The following ACTR3C variants were observed in gnomAD, a reference collection of about 807,000 sequenced individuals.
ACTR3C encodes actin related protein 3C.
ACTR3C carries 18 observed loss-of-function variants against 26.3 expected under a neutral mutation model. The ratio of observed to expected loss-of-function variants is 0.68; its 90% CI spans 0.47 to 1.01. The LOEUF (loss-of-function observed/expected upper bound fraction) is 1.01, where lower values mean the gene tolerates loss of function less well. Ranked by LOEUF, ACTR3C falls within the 50% of genes least tolerant of loss-of-function variation. ACTR3C has a pLI of 0.00. For missense variants in ACTR3C, 184 were observed against 250.7 expected, an observed-to-expected ratio of 0.73 and a Z score of 1.80; for synonymous variants, 55 against 94.5, an observed-to-expected ratio of 0.58 and a Z score of 2.42.
chr7:149,948,618 C>T, the ACTR3C span, among the ~76,000 whole-genome samples: 4 of 151,538 alleles, frequency 2.6e-5, no homozygotes, highest in South Asian at 8.3e-4. Flanking sequence ...ACCCCATGGT[C>T]CCTCACCGTC....
the ACTR3C span, among the ~76,000 whole-genome samples, chr7:149,933,991 G>A: frequency 7.2e-5 from 10 of 138,448 alleles, no homozygotes; most frequent in African/African-American, 2.5e-4. Context: ...CACAGATTCC[G>A]GTGTTAAGTT....
the ACTR3C span, among the ~76,000 whole-genome samples, chr7:149,984,211 T>C: frequency 6.6e-6 from 1 of 151,688 alleles, no homozygotes; most frequent in African/African-American, 2.4e-5. Context: ...CTTTTTTTTT[T>C]TTCTTTTTTT....
chr7:150,226,435 GT>G, the ACTR3C span, among the ~76,000 whole-genome samples: 1 of 151,994 alleles, frequency 6.6e-6, no homozygotes, highest in African/African-American at 2.4e-5. Flanking sequence ...TTTTGTTGTT[GT>G]TGTTGTTTGT....
chr7:149,993,189 C>G, the ACTR3C span, among the ~76,000 whole-genome samples: 1 of 145,712 alleles, frequency 6.9e-6, no homozygotes, highest in African/African-American at 2.5e-5. Context: ...ACGTCAGTCT[C>G]CTCTGGCAGC....
At chr7:149,930,822 C>T in the ACTR3C span, among the ~76,000 whole-genome samples, 2 of 152,206 alleles carry the variant, frequency 1.3e-5, no homozygotes, top group African/African-American at 2.4e-5. Context: ...GAGACAGTCA[C>T]CCAGGCTGGA....
chr7:149,993,289 C>G, the ACTR3C span, among the ~76,000 whole-genome samples: 1 of 151,836 alleles, frequency 6.6e-6, no homozygotes, highest in Non-Finnish European at 1.5e-5. Context: ...TTCACCATCA[C>G]GGCAACAGAA....
At chr7:150,038,119 G>A in the ACTR3C span, among the ~76,000 whole-genome samples, 25 of 142,480 alleles carry the variant, frequency 1.8e-4, 1 homozygote, top group African/African-American at 5.1e-4. Context: ...CAAGAGCCAG[G>A]GGGGAAGAGG....
the ACTR3C span, among the ~76,000 whole-genome samples, chr7:150,190,914 A>G: frequency 1.3e-5 from 2 of 152,156 alleles, no homozygotes; most frequent in South Asian, 4.1e-4. Flanking sequence ...GAAAAGCCCC[A>G]TATAAAACCA....
At chr7:149,887,235 A>G in the ACTR3C span, among the ~76,000 whole-genome samples, 1 of 152,244 alleles carries the variant, frequency 6.6e-6, no homozygotes, top group African/African-American at 2.4e-5. Context: ...TCTTCAAGGC[A>G]AAAACCATAC....
chr7:149,906,278 A>T, the ACTR3C span, among the ~76,000 whole-genome samples: 1 of 152,104 alleles, frequency 6.6e-6, no homozygotes, highest in Non-Finnish European at 1.5e-5. Context: ...AAAAGAGGAA[A>T]AGAAGAGAGG....
At chr7:149,972,914 A>G in the ACTR3C span, among the ~76,000 whole-genome samples, 2 of 149,988 alleles carry the variant, frequency 1.3e-5, no homozygotes, top group Non-Finnish European at 1.5e-5. Flanking sequence ...TCCCCATGTA[A>G]TCATAGTGAG....
At chr7:150,069,310 C>T in the ACTR3C span, among the ~76,000 whole-genome samples, 2 of 152,086 alleles carry the variant, frequency 1.3e-5, no homozygotes, top group Admixed American at 6.5e-5. Flanking sequence ...TGGGACCCCA[C>T]GTTAAGAAAC....
chr7:150,022,677 G>T, the ACTR3C span, among the ~76,000 whole-genome samples: 3 of 152,138 alleles, frequency 2.0e-5, no homozygotes, highest in South Asian at 2.1e-4. Flanking sequence ...AGCATTAAAT[G>T]GAGACCTATA....
the ACTR3C span, among the ~76,000 whole-genome samples, chr7:149,991,239 T>C: frequency 6.6e-6 from 1 of 152,170 alleles, no homozygotes; most frequent in East Asian, 1.9e-4. Context: ...CCCACCCCCA[T>C]GAATCGATTA....
intron 5 of ACTR3C, among the ~76,000 whole-genome samples, chr7:150,285,562 A>G (rs1201708925): frequency 6.6e-6 from 1 of 152,202 alleles, no homozygotes; most frequent in Non-Finnish European, 1.5e-5. Context: ...TCAAATCAAT[A>G]CTATTAAAAG....
the ACTR3C span, among the ~76,000 whole-genome samples, chr7:150,183,058 T>C: frequency 6.6e-6 from 1 of 150,936 alleles, no homozygotes; most frequent in Non-Finnish European, 1.5e-5. Context: ...CAATGTTCTT[T>C]GCAAAATGCT....
chr7:149,920,481 AG>A, the ACTR3C span, among the ~76,000 whole-genome samples: 2 of 150,856 alleles, frequency 1.3e-5, no homozygotes, highest in Non-Finnish European at 3.0e-5. Flanking sequence ...TTTTTCTTTT[AG>A]GGGGCAGGGG....
the ACTR3C span, among the ~76,000 whole-genome samples, chr7:150,017,077 C>T: frequency 6.6e-6 from 1 of 151,998 alleles, no homozygotes; most frequent in Admixed American, 6.6e-5. Context: ...CAATCTTCTG[C>T]CAAGCTCCTA....
At chr7:150,294,303 C>T (rs992717518) in intron 2 of ACTR3C, among the ~76,000 whole-genome samples, 27 of 152,220 alleles carry the variant, frequency 1.8e-4, no homozygotes, top group African/African-American at 5.3e-4. Context: ...GCAATGCACA[C>T]GGCGGCGCCC....
Sources: gnomAD v4.1 joint callset for allele counts (sites outside exome capture counted in the v4.1 genomes callset) on GRCh38, gnomAD v4.1.1 for gene constraint, MANE v1.5 for transcripts, NCBI Gene and HGNC (gene_info 2026-07-23, HGNC 2026-07-21) for gene names.